TRPC7: variants seen among roughly 807,000 people sequenced by gnomAD.
The protein encoded by TRPC7 is short transient receptor potential channel 7.
TRPC7 carries 42 observed loss-of-function variants against 90.1 expected under a neutral mutation model. The observed-to-expected ratio is 0.47, with a 90% CI of 0.36 to 0.60. The LOEUF is 0.60. TRPC7 is among the 20% of genes least tolerant of loss of function. The probability of loss-of-function intolerance (pLI) is 0.00; values close to 1 mark genes in which losing one functional copy is unlikely to be tolerated. For synonymous variants in TRPC7, 451 were observed against 436.3 expected, an observed-to-expected ratio of 1.03 and a Z score of -0.42; for missense variants, 955 against 1,112.3, an observed-to-expected ratio of 0.86 and a Z score of 2.01.
At chr5:136,222,855 C>T (rs918900973) in intron 10 of TRPC7, among the ~76,000 whole-genome samples, 3 of 152,178 alleles carry the variant, frequency 2.0e-5, no homozygotes, top group Non-Finnish European at 4.4e-5. Flanking sequence ...CCTCAATTCC[C>T]TCATCTGTTA....
At chr5:136,315,910 A>G (rs1759006959) in intron 2 of TRPC7, 131 bp from the exon 3 acceptor site, 2 of 884,572 alleles carry the variant, frequency 2.3e-6, no homozygotes, top group African/African-American at 1.7e-5. Flanking sequence ...GCACTTATGG[A>G]ACGCAGCAGG....
intron 2 of TRPC7, among the ~76,000 whole-genome samples, chr5:136,355,423 A>T (rs1215527945): frequency 6.6e-6 from 1 of 152,226 alleles, no homozygotes; most frequent in Non-Finnish European, 1.5e-5. Flanking sequence ...AACAGTACTC[A>T]TGTCATATGG....
At chr5:136,261,406 C>T (rs535353736) in intron 5 of TRPC7, among the ~76,000 whole-genome samples, 79 of 152,306 alleles carry the variant, frequency 5.2e-4, no homozygotes, top group African/African-American at 1.8e-3. Flanking sequence ...CCCAGTCCAC[C>T]TGCACTGTGC....
chr5:136,293,095 C>G (rs1428625031), intron 3 of TRPC7, among the ~76,000 whole-genome samples: 1 of 152,096 alleles, frequency 6.6e-6, no homozygotes, highest in East Asian at 1.9e-4. Flanking sequence ...ATTCAACAAC[C>G]CTTCATGCTA....
intron 7 of TRPC7, among the ~76,000 whole-genome samples, chr5:136,245,141 G>C (rs571796781): frequency 1.3e-5 from 2 of 152,318 alleles, no homozygotes; most frequent in Admixed American, 1.3e-4. Context: ...CTTGCCCAAG[G>C]CCACAAAGTC....
intron 4 of TRPC7, among the ~76,000 whole-genome samples, chr5:136,267,666 TTTAA>T (rs1328050967): frequency 3.9e-5 from 6 of 152,266 alleles, no homozygotes; most frequent in Non-Finnish European, 7.3e-5. Context: ...AATCATCCAC[TTTAA>T]TTACTGTAGT....
intron 3 of TRPC7, among the ~76,000 whole-genome samples, chr5:136,301,845 G>A (rs1001363679): frequency 9.9e-5 from 15 of 152,198 alleles, no homozygotes; most frequent in African/African-American, 2.4e-4. Context: ...ATTTGGTGCC[G>A]TGACTCGGAT....
intron 3 of TRPC7, among the ~76,000 whole-genome samples, chr5:136,293,817 G>T (rs542263486): frequency 6.6e-6 from 1 of 152,164 alleles, no homozygotes; most frequent in South Asian, 2.1e-4. Flanking sequence ...AACCAAAAAA[G>T]AGCCCGCATT....
intron 3 of TRPC7, among the ~76,000 whole-genome samples, chr5:136,311,478 G>A (rs1386772298): frequency 6.6e-6 from 1 of 152,208 alleles, no homozygotes; most frequent in Non-Finnish European, 1.5e-5. Flanking sequence ...GGATTCAGAG[G>A]CTGGTTGGGT....
chr5:136,282,443 A>G (rs577486279), intron 3 of TRPC7, among the ~76,000 whole-genome samples: 1 of 152,304 alleles, frequency 6.6e-6, no homozygotes, highest in South Asian at 2.1e-4. Context: ...TTATTTTTAC[A>G]TAATTATTTT....
chr5:136,295,558 C>T (rs752935270), intron 3 of TRPC7, among the ~76,000 whole-genome samples: 7 of 152,144 alleles, frequency 4.6e-5, no homozygotes, highest in Non-Finnish European at 8.8e-5. Context: ...GTCCCCTCCC[C>T]GTCCACTGTG....
At chr5:136,359,890 C>CT (rs897379262) in intron 1 of TRPC7, among the ~76,000 whole-genome samples, 8 of 151,980 alleles carry the variant, frequency 5.3e-5, no homozygotes, top group African/African-American at 1.2e-4. Context: ...CTCAGAAACA[C>CT]TTTTTTTTAT....
intron 7 of TRPC7, among the ~76,000 whole-genome samples, chr5:136,242,587 C>T (rs555525004): frequency 1.3e-5 from 2 of 152,304 alleles, no homozygotes; most frequent in East Asian, 3.9e-4. Context: ...GCCTGAAATC[C>T]TACTAATAAG....
intron 3 of TRPC7, among the ~76,000 whole-genome samples, chr5:136,279,249 G>T (rs1414682790): frequency 2.6e-5 from 4 of 152,178 alleles, no homozygotes; most frequent in Non-Finnish European, 5.9e-5. Context: ...TTAATTGTTG[G>T]GTTGCTCTGA....
intron 3 of TRPC7, among the ~76,000 whole-genome samples, chr5:136,290,879 G>A (rs1757921514): frequency 6.6e-6 from 1 of 152,126 alleles, no homozygotes; most frequent in Non-Finnish European, 1.5e-5. Flanking sequence ...AAATGTTAAG[G>A]GCAGCCAGAG....
At chr5:136,248,325 G>A (rs1715488149) in intron 6 of TRPC7, among the ~76,000 whole-genome samples, 1 of 152,156 alleles carries the variant, frequency 6.6e-6, no homozygotes, top group South Asian at 2.1e-4. Flanking sequence ...TCTAAATTAT[G>A]GATAATATCC....
chr5:136,350,676 T>A (rs1292368649), intron 2 of TRPC7, among the ~76,000 whole-genome samples: 1 of 152,204 alleles, frequency 6.6e-6, no homozygotes, highest in Non-Finnish European at 1.5e-5. Context: ...TCCCTGGGTC[T>A]TGCTCTCAGG....
intron 4 of TRPC7, among the ~76,000 whole-genome samples, chr5:136,270,154 G>A (rs565181969): frequency 3.0e-4 from 45 of 152,314 alleles, no homozygotes; most frequent in African/African-American, 1.0e-3. Context: ...TGGTGCTCGT[G>A]TAACTAGAGG....
intron 2 of TRPC7, among the ~76,000 whole-genome samples, chr5:136,352,413 T>C (rs1350146476): frequency 6.6e-6 from 1 of 152,116 alleles, no homozygotes; most frequent in East Asian, 1.9e-4. Context: ...GGAATTTGAC[T>C]GGGAAGCAAA....
Sources: gnomAD v4.1 joint callset for allele counts (sites outside exome capture counted in the v4.1 genomes callset) on GRCh38, gnomAD v4.1.1 for gene constraint, MANE v1.5 for transcripts, NCBI Gene and HGNC (gene_info 2026-07-23, HGNC 2026-07-21) for gene names.